ZFPM2: variants seen among roughly 807,000 people sequenced by gnomAD.
The protein encoded by ZFPM2 is zinc finger protein, FOG family member 2.
In ZFPM2, 20 loss-of-function variants were observed where a neutral mutation model predicts 98.6. The observed-to-expected ratio is 0.20, with a 90% CI of 0.14 to 0.29. The LOEUF (loss-of-function observed/expected upper bound fraction) is 0.29, where lower values mean the gene tolerates loss of function less well. Ranked by LOEUF, ZFPM2 falls within the 10% of genes least tolerant of loss-of-function variation. ZFPM2 has a pLI of 1.00. For synonymous variants in ZFPM2, 518 were observed against 502.7 expected (o/e 1.03, Z -0.41); for missense variants, 1,310 against 1,388.6 (o/e 0.94, Z 0.90).
At chr8:105,595,927 A>T (rs1313952727) in intron 4 of ZFPM2, among the ~76,000 whole-genome samples, 1 of 151,816 alleles carries the variant, frequency 6.6e-6, no homozygotes, top group Admixed American at 6.6e-5. Flanking sequence ...TTCCAATATC[A>T]TCTAAAATCT....
intron 6 of ZFPM2, among the ~76,000 whole-genome samples, chr8:105,790,466 T>TAA: frequency 6.6e-6 from 1 of 152,176 alleles, no homozygotes; most frequent in East Asian, 1.9e-4. Context: ...TCTATTTTGG[T>TAA]ACCAGTACCA....
intron 1 of ZFPM2, among the ~76,000 whole-genome samples, chr8:105,351,190 A>G (rs1297745378): frequency 7.9e-5 from 12 of 152,118 alleles, no homozygotes; most frequent in South Asian, 4.2e-4. Context: ...AAAAAAAGAA[A>G]AAAAAGAAAA....
At chr8:105,509,403 C>T (rs1419526759) in intron 3 of ZFPM2, among the ~76,000 whole-genome samples, 1 of 152,136 alleles carries the variant, frequency 6.6e-6, no homozygotes, top group East Asian at 1.9e-4. Context: ...AGATCGGTAG[C>T]TGTTGACCTT....
At chr8:105,745,773 G>A (rs1031957252) in intron 5 of ZFPM2, among the ~76,000 whole-genome samples, 4 of 152,066 alleles carry the variant, frequency 2.6e-5, no homozygotes, top group South Asian at 2.1e-4. Flanking sequence ...AGTTTCTTTC[G>A]TTTTGAGACA....
intron 6 of ZFPM2, among the ~76,000 whole-genome samples, chr8:105,791,615 A>AG (rs1813614279): frequency 6.6e-6 from 1 of 152,198 alleles, no homozygotes; most frequent in Non-Finnish European, 1.5e-5. Flanking sequence ...AAAATGAGTT[A>AG]GGGAGGATTC....
intron 2 of ZFPM2, among the ~76,000 whole-genome samples, chr8:105,441,452 GAGAAAGAAAGAA>G (rs34216988): frequency 0.011 from 430 of 38,952 alleles, 26 homozygotes; most frequent in Middle Eastern, 0.014. Context: ...GAGAGAGAGA[GAGAAAGAAAGAA>G]AGAAAGAAAG....
At chr8:105,587,121 C>CA (rs1249683284) in intron 4 of ZFPM2, among the ~76,000 whole-genome samples, 1 of 150,928 alleles carries the variant, frequency 6.6e-6, no homozygotes, top group Non-Finnish European at 1.5e-5. Flanking sequence ...CTAAAAAATA[C>CA]AAAAAATTAA....
chr8:105,471,926 T>G (rs1812911956), intron 3 of ZFPM2, among the ~76,000 whole-genome samples: 1 of 152,158 alleles, frequency 6.6e-6, no homozygotes, highest in Admixed American at 6.5e-5. Context: ...ACAGAATCAT[T>G]TGGATTATTA....
At chr8:105,793,075 G>C (rs1434399215) in intron 6 of ZFPM2, among the ~76,000 whole-genome samples, 1 of 151,960 alleles carries the variant, frequency 6.6e-6, no homozygotes, top group Non-Finnish European at 1.5e-5. Flanking sequence ...GGAGCATTTA[G>C]TCCATTGACA....
At chr8:105,647,598 A>G (rs1481432900) in intron 5 of ZFPM2, among the ~76,000 whole-genome samples, 7 of 147,672 alleles carry the variant, frequency 4.7e-5, no homozygotes, top group East Asian at 2.0e-4. Flanking sequence ...TCATTGTTCA[A>G]TTCCCACCTG....
In ZFPM2 at chr8:105,688,290, C is replaced by T. The variant is rs186278783; in HGVS notation, c.532+53933C>T. On this transcript the variant is annotated intron_variant, in intron 5 of 7. Coordinates refer to ENST00000407775, the MANE Select transcript of ZFPM2 (RefSeq NM_012082.4). ...TCAAAGGATTTTACTAACAAATTTACAAGCTGCTTATGACATGTTTAAGTC... is the reference window on the plus strand; with the variant it reads ...TCAAAGGATTTTACTAACAAATTTATAAGCTGCTTATGACATGTTTAAGTC... 4.1e-4 allele frequency among the ~76,000 whole-genome samples: 63 copies of T among 152,036 alleles called. 1 individual carries two copies. The East Asian group carries it at 0.012, about 28-fold the overall frequency.
At chr8:105,372,184 A>G (rs1272122585) in intron 1 of ZFPM2, among the ~76,000 whole-genome samples, 1 of 151,996 alleles carries the variant, frequency 6.6e-6, no homozygotes, top group Non-Finnish European at 1.5e-5. Context: ...CTGGGACTAC[A>G]GGCACCTGCC....
chr8:105,393,210 G>A (rs1430003145), intron 1 of ZFPM2, among the ~76,000 whole-genome samples: 5 of 152,030 alleles, frequency 3.3e-5, no homozygotes, highest in African/African-American at 9.7e-5. Context: ...AAACCATGCC[G>A]TTGGAAGTGT....
intron 3 of ZFPM2, among the ~76,000 whole-genome samples, chr8:105,454,825 G>A (rs972895757): frequency 2.0e-5 from 3 of 152,154 alleles, no homozygotes; most frequent in Non-Finnish European, 4.4e-5. Flanking sequence ...GTGAATTGGT[G>A]CCTTCACCCT....
chr8:105,401,603 AC>A (rs1449316151), intron 1 of ZFPM2, among the ~76,000 whole-genome samples: 1 of 152,034 alleles, frequency 6.6e-6, no homozygotes, highest in African/African-American at 2.4e-5. Flanking sequence ...AGGTCATCTT[AC>A]TTGTTTTACT....
intron 5 of ZFPM2, among the ~76,000 whole-genome samples, chr8:105,695,729 G>A (rs2130947603): frequency 6.6e-6 from 1 of 152,198 alleles, no homozygotes; most frequent in African/African-American, 2.4e-5. Context: ...AAAATATTAT[G>A]AGCAGAAAAT....
chr8:105,686,385 T>G (rs980315054), intron 5 of ZFPM2, among the ~76,000 whole-genome samples: 1 of 152,122 alleles, frequency 6.6e-6, no homozygotes, highest in African/African-American at 2.4e-5. Context: ...TTCCAAAACT[T>G]TAGTGTTGAA....
At chr8:105,331,635 C>A (rs563211292) in intron 1 of ZFPM2, among the ~76,000 whole-genome samples, 3 of 151,742 alleles carry the variant, frequency 2.0e-5, no homozygotes, top group Admixed American at 1.3e-4. Context: ...AGGTTAGGGT[C>A]TATAGGCTTT....
intron 1 of ZFPM2, among the ~76,000 whole-genome samples, chr8:105,334,818 T>C (rs532900774): frequency 6.6e-6 from 1 of 151,810 alleles, no homozygotes; most frequent in Non-Finnish European, 1.5e-5. Flanking sequence ...CTGGGCCCAA[T>C]GTGTTGCTCT....
Sources: allele counts gnomAD v4.1 joint callset (sites outside exome capture counted in the v4.1 genomes callset), GRCh38; gene constraint gnomAD v4.1.1; transcripts MANE v1.5; gene names NCBI Gene and HGNC (gene_info 2026-07-23, HGNC 2026-07-21).